Variants in SHANK2 observed in about 807,000 individuals in gnomAD.
The protein encoded by SHANK2 is SH3 and multiple ankyrin repeat domains protein 2.
A neutral mutation model predicts 133.7 loss-of-function variants in SHANK2; 43 were observed. The ratio of observed to expected loss-of-function variants is 0.32; its 90% CI spans 0.25 to 0.41. The LOEUF is 0.41. Ranked by LOEUF, SHANK2 falls within the 10% of genes least tolerant of loss-of-function variation. The pLI, the probability that SHANK2 is intolerant of heterozygous loss-of-function variation, is 1.00. For missense variants in SHANK2, 1,994 were observed against 2,235.8 expected (o/e 0.89, Z 2.18); for synonymous variants, 1,017 against 952.8 (o/e 1.07, Z -1.24).
chr11:71,229,073 T>G (rs915638881), intron 1 of SHANK2, among the ~76,000 whole-genome samples: 2 of 152,148 alleles, frequency 1.3e-5, no homozygotes, highest in Non-Finnish European at 2.9e-5. Flanking sequence ...CAAAACAAGA[T>G]GGGAATTTCC....
chr11:70,884,457 G>A (rs1949706023), intron 11 of SHANK2, among the ~76,000 whole-genome samples: 1 of 152,242 alleles, frequency 6.6e-6, no homozygotes. Flanking sequence ...GGCTTTGTTT[G>A]GTTTGGAACT....
intron 1 of SHANK2, among the ~76,000 whole-genome samples, chr11:71,226,220 AAT>A (rs1448209830): frequency 1.3e-5 from 2 of 152,254 alleles, no homozygotes; most frequent in African/African-American, 2.4e-5. Flanking sequence ...GGACAGAGGA[AAT>A]AATCAGTGAA....
At chr11:71,230,083 C>A (rs2135761675) in intron 1 of SHANK2, among the ~76,000 whole-genome samples, 1 of 152,228 alleles carries the variant, frequency 6.6e-6, no homozygotes, top group Non-Finnish European at 1.5e-5. Context: ...AGGTTAGGAG[C>A]TCGAGACTAG....
chr11:71,148,397 TAAG>T (rs1555107209), intron 2 of SHANK2, among the ~76,000 whole-genome samples: 1 of 152,166 alleles, frequency 6.6e-6, no homozygotes. Flanking sequence ...CCAAGGCTCT[TAAG>T]AAGGACACAG....
At chr11:70,732,632 T>G (rs1186578060) in intron 14 of SHANK2, among the ~76,000 whole-genome samples, 6 of 152,080 alleles carry the variant, frequency 3.9e-5, no homozygotes, top group Non-Finnish European at 8.8e-5. Flanking sequence ...CACAAGTCCA[T>G]TCCCGCCATG....
At position 71,090,453 on chromosome 11, in the gene SHANK2, G is replaced by C. The variant is rs1312933727; in HGVS notation, c.912+1969C>G. Among the ~76,000 whole-genome samples, 66 of 84,940 alleles carry C rather than the reference G, an allele frequency of 7.8e-4. 5 individuals carry two copies. The highest frequency in any genetic ancestry group is 1.6e-3 in the Non-Finnish European group (62 of 38,070). The allele number at this position is 84,940 out of a possible 152,430, so 55.7% of individuals were successfully genotyped here. A position where few individuals can be genotyped will look rare whatever the true frequency, so the allele number is the denominator to read the frequency against. On this transcript the variant is annotated intron_variant, in intron 8 of 25. Transcript: ENST00000601538. The stretch of plus-strand genomic sequence containing the variant: ...CCAGAGAAACACTACGTGTGTGTGT[G>C]TGTGTGTGTGTGTGTGTGTGTGTGT...
intron 14 of SHANK2, among the ~76,000 whole-genome samples, chr11:70,791,805 C>T (rs187817056): frequency 6.6e-6 from 1 of 152,286 alleles, no homozygotes; most frequent in East Asian, 1.9e-4. Flanking sequence ...AGTCCCTGCC[C>T]AGTAACTCCC....
intron 6 of SHANK2, among the ~76,000 whole-genome samples, chr11:71,105,793 G>A (rs1338074086): frequency 2.6e-5 from 4 of 151,884 alleles, no homozygotes; most frequent in Non-Finnish European, 5.9e-5. Flanking sequence ...ATCACTGTTG[G>A]GTACAACTCC....
At chr11:70,793,024 C>T (rs1242999686) in intron 14 of SHANK2, among the ~76,000 whole-genome samples, 3 of 152,146 alleles carry the variant, frequency 2.0e-5, no homozygotes, top group Non-Finnish European at 2.9e-5. Flanking sequence ...CCACTGCATT[C>T]CCACCTCGAT....
chr11:70,493,532 C>T (rs2058927878), intron 21 of SHANK2, among the ~76,000 whole-genome samples: 1 of 149,932 alleles, frequency 6.7e-6, no homozygotes, highest in African/African-American at 2.5e-5. Flanking sequence ...TTAGCTTCAT[C>T]TCAGGGTGTT....
chr11:70,955,306 T>C (rs933683739), intron 10 of SHANK2, among the ~76,000 whole-genome samples: 4 of 152,054 alleles, frequency 2.6e-5, no homozygotes, highest in African/African-American at 9.7e-5. Context: ...AAAGTCCCTG[T>C]ATCCAAAAAA....
intron 2 of SHANK2, among the ~76,000 whole-genome samples, chr11:71,158,440 G>A (rs1555109387): frequency 2.5e-4 from 38 of 152,260 alleles, no homozygotes; most frequent in Non-Finnish European, 8.8e-5. Flanking sequence ...ATACTACATA[G>A]CATTATCTTT....
intron 11 of SHANK2, among the ~76,000 whole-genome samples, chr11:70,866,020 G>A (rs562834372): frequency 6.6e-6 from 1 of 152,160 alleles, no homozygotes; most frequent in African/African-American, 2.4e-5. Context: ...GTTTCTTAGT[G>A]GGGGGCTGCC....
chr11:70,951,046 C>CT (rs1282950179), intron 10 of SHANK2: 1 of 283,856 alleles, frequency 3.5e-6, no homozygotes, highest in African/African-American at 2.3e-5. Context: ...ACTCCCTTAA[C>CT]TGCAGTGATT....
At chr11:71,173,638 A>G (rs571410112) in intron 2 of SHANK2, among the ~76,000 whole-genome samples, 160 of 152,390 alleles carry the variant, frequency 1.0e-3, no homozygotes, top group African/African-American at 3.7e-3. Flanking sequence ...ACCCAAGTGC[A>G]CTGGCGTGAA....
chr11:70,884,845 C>T (rs545234745), intron 11 of SHANK2, among the ~76,000 whole-genome samples: 87 of 152,272 alleles, frequency 5.7e-4, no homozygotes, highest in Admixed American at 1.5e-3. Flanking sequence ...CTCACCCTCC[C>T]GAGTAGCTGG....
intron 11 of SHANK2, chr11:70,863,961 C>T (rs1949306630): frequency 2.4e-6 from 1 of 420,686 alleles, no homozygotes; most frequent in African/African-American, 2.1e-5. Context: ...ATAAAACCAC[C>T]CAGTTTTTGA....
chr11:71,210,210 G>GTGTATATATATATATATATATATA lies in SHANK2; in HGVS notation c.-13+14486_-13+14487insTATATATATATATATATATATACA, dbSNP rs1491563939. 2.8e-4 allele frequency among the ~76,000 whole-genome samples: 15 copies of GTGTATATATATATATATATATATA among 54,064 alleles called. 1 individual carries two copies. In the East Asian group the frequency reaches 3.2e-3, roughly 11 times the overall value. 35.5% of individuals were successfully genotyped at this position (54,064 alleles called of 152,430 possible). A position where few individuals can be genotyped will look rare whatever the true frequency, so the allele number is the denominator to read the frequency against. ...GGTCCTCTTCATTGGAAATCCACAGGTATATATATATATATATATATATAT... is the reference window on the plus strand; with the variant it reads ...GGTCCTCTTCATTGGAAATCCACAGGTGTATATATATATATATATATATATATATATATATATATATATATATAT... On this transcript the variant is annotated intron_variant, in intron 2 of 25. Transcript: ENST00000601538.
At chr11:70,932,640 T>A (rs1461448901) in intron 10 of SHANK2, among the ~76,000 whole-genome samples, 4 of 152,160 alleles carry the variant, frequency 2.6e-5, no homozygotes, top group African/African-American at 9.7e-5. Context: ...CCAAAGCAAA[T>A]GCCAGGGTAC....
Sources: gnomAD v4.1 joint callset for allele counts (sites outside exome capture counted in the v4.1 genomes callset) on GRCh38, gnomAD v4.1.1 for gene constraint, MANE v1.5 for transcripts, NCBI Gene and HGNC (gene_info 2026-07-23, HGNC 2026-07-21) for gene names.